The following XKR4 variants were observed in gnomAD, a reference collection of about 807,000 sequenced individuals.
The protein encoded by XKR4 is XK related 4, also known as XK-related protein 4.
XKR4 carries 12 observed loss-of-function variants against 53.9 expected under a neutral mutation model. The ratio of observed to expected loss-of-function variants is 0.22; its 90% CI spans 0.14 to 0.36. The LOEUF (loss-of-function observed/expected upper bound fraction) is 0.36, where lower values mean the gene tolerates loss of function less well. Ranked by LOEUF, XKR4 falls within the 10% of genes least tolerant of loss-of-function variation. XKR4 has a pLI of 1.00. For synonymous variants in XKR4, 354 were observed against 362.4 expected (o/e 0.98, Z 0.26); for missense variants, 799 against 859.5 (o/e 0.93, Z 0.88).
At chr8:55,135,296 T>C (rs1816609935) in intron 1 of XKR4, 1 of 184,746 alleles carries the variant, frequency 5.4e-6, no homozygotes, top group African/African-American at 2.3e-5. Context: ...ATTATACAAA[T>C]CAATTGTGAT....
intron 2 of XKR4, among the ~76,000 whole-genome samples, chr8:55,363,747 T>C (rs931168949): frequency 2.0e-5 from 3 of 152,170 alleles, no homozygotes; most frequent in Admixed American, 6.5e-5. Flanking sequence ...ACCTCTGGAT[T>C]CTGCAGAGGG....
chr8:55,162,425 A>G (rs140986906), intron 1 of XKR4, among the ~76,000 whole-genome samples: 1 of 152,210 alleles, frequency 6.6e-6, no homozygotes, highest in Non-Finnish European at 1.5e-5. Context: ...ACAACTTGTA[A>G]CTGAATGAAC....
chr8:55,334,747 G>A (rs970489837), intron 1 of XKR4, among the ~76,000 whole-genome samples: 2 of 152,154 alleles, frequency 1.3e-5, no homozygotes. Context: ...TAATGTGTGG[G>A]CCATTGCTAG....
At position 55,532,512 on chromosome 8, in the gene XKR4, T is replaced by C. The variant is rs1400128630; in HGVS notation, c.*8285T>C. ...ACCCTGTTATTAGAATTTCAGAAAA[T>C]AGGCCGGGCGCAGTGGCTCACGCCT... On this transcript the variant is annotated 3_prime_UTR_variant, in exon 3 of 3. Transcript: ENST00000327381. The C allele has an allele frequency of 2.6e-5, 4 of 151,998 alleles. No homozygotes were observed. The highest frequency in any genetic ancestry group is 5.9e-5 in the Non-Finnish European group (4 of 67,984). 9.4% of individuals were successfully genotyped at this position (151,998 alleles called of 1,614,324 possible). A position where few individuals can be genotyped will look rare whatever the true frequency, so the allele number is the denominator to read the frequency against.
chr8:55,447,357 C>G (rs1269356376), intron 2 of XKR4, among the ~76,000 whole-genome samples: 1 of 152,132 alleles, frequency 6.6e-6, no homozygotes, highest in Non-Finnish European at 1.5e-5. Flanking sequence ...AAGGTAGATG[C>G]ACCCTAGGGC....
At chr8:55,476,961 T>G (rs1045575814) in intron 2 of XKR4, among the ~76,000 whole-genome samples, 4 of 152,104 alleles carry the variant, frequency 2.6e-5, no homozygotes, top group African/African-American at 7.3e-5. Flanking sequence ...AGTCCACCTC[T>G]GGGGGCAGGG....
At chr8:55,248,815 C>T (rs538182375) in intron 1 of XKR4, among the ~76,000 whole-genome samples, 1 of 152,092 alleles carries the variant, frequency 6.6e-6, no homozygotes, top group South Asian at 2.1e-4. Context: ...AGGCTGGAGT[C>T]TCAGAGTGTC....
At chr8:55,321,818 G>A (rs139190661) in intron 1 of XKR4, among the ~76,000 whole-genome samples, 2,501 of 152,088 alleles carry the variant, frequency 0.016, 51 homozygotes, top group African/African-American at 0.048. Context: ...GTGAAACCCC[G>A]TCTCTACTAA....
chr8:55,389,528 T>C (rs1804414691), intron 2 of XKR4, among the ~76,000 whole-genome samples: 1 of 152,154 alleles, frequency 6.6e-6, no homozygotes, highest in Admixed American at 6.6e-5. Flanking sequence ...TTGGAAGAAG[T>C]GCATTTTAAT....
chr8:55,343,892 A>C (rs1803594973), intron 1 of XKR4, among the ~76,000 whole-genome samples: 2 of 152,224 alleles, frequency 1.3e-5, no homozygotes, highest in South Asian at 4.1e-4. Flanking sequence ...GTGCACAATA[A>C]CACACTGCCT....
At chr8:55,234,125 A>G (rs1478799960) in intron 1 of XKR4, among the ~76,000 whole-genome samples, 1 of 152,180 alleles carries the variant, frequency 6.6e-6, no homozygotes, top group Non-Finnish European at 1.5e-5. Context: ...GGGAGACAGA[A>G]GCCTTTATTA....
chr8:55,210,294 G>A (rs955323221), intron 1 of XKR4, among the ~76,000 whole-genome samples: 1 of 151,996 alleles, frequency 6.6e-6, no homozygotes, highest in Non-Finnish European at 1.5e-5. Context: ...ATGTTGCCCA[G>A]GCTGGTCTCG....
At chr8:55,160,202 C>G (rs1300108890) in intron 1 of XKR4, among the ~76,000 whole-genome samples, 3 of 152,198 alleles carry the variant, frequency 2.0e-5, no homozygotes, top group East Asian at 3.8e-4. Flanking sequence ...CAGCCATATT[C>G]AGCTCATGGG....
chr8:55,253,386 C>A (rs1029144488), intron 1 of XKR4, among the ~76,000 whole-genome samples: 3 of 152,188 alleles, frequency 2.0e-5, no homozygotes, highest in African/African-American at 4.8e-5. Context: ...GGCAGGGAAG[C>A]CACACTTTTT....
At chr8:55,403,288 A>C (rs1485834986) in intron 2 of XKR4, among the ~76,000 whole-genome samples, 1 of 152,206 alleles carries the variant, frequency 6.6e-6, no homozygotes, top group Non-Finnish European at 1.5e-5. Context: ...TTTAGGGTCA[A>C]AAAGGATCTC....
intron 2 of XKR4, among the ~76,000 whole-genome samples, chr8:55,385,021 T>G (rs1563337625): frequency 6.6e-6 from 1 of 152,194 alleles, no homozygotes; most frequent in Admixed American, 6.5e-5. Flanking sequence ...CCTCTTTTTT[T>G]CAAAGTAGGT....
At chr8:55,327,164 C>A (rs909318441) in intron 1 of XKR4, among the ~76,000 whole-genome samples, 2 of 152,108 alleles carry the variant, frequency 1.3e-5, no homozygotes, top group Non-Finnish European at 2.9e-5. Context: ...ATGAGAGGAA[C>A]AGGGAAATCA....
chr8:55,469,638 A>C (rs952201181), intron 2 of XKR4, among the ~76,000 whole-genome samples: 2 of 152,052 alleles, frequency 1.3e-5, no homozygotes, highest in African/African-American at 4.8e-5. Flanking sequence ...GCAGAACTTA[A>C]AAAAAATTAA....
chr8:55,154,302 A>T (rs1360066951), intron 1 of XKR4, among the ~76,000 whole-genome samples: 1 of 152,220 alleles, frequency 6.6e-6, no homozygotes, highest in Non-Finnish European at 1.5e-5. Context: ...GAGCCTCTAT[A>T]CAAATAAAAT....
Sources: allele counts gnomAD v4.1 joint callset (sites outside exome capture counted in the v4.1 genomes callset), GRCh38; gene constraint gnomAD v4.1.1; transcripts MANE v1.5; gene names NCBI Gene and HGNC (gene_info 2026-07-23, HGNC 2026-07-21).